CRPPA: variants seen among roughly 807,000 people sequenced by gnomAD.
CRPPA encodes CDP-L-ribitol pyrophosphorylase A, also known as D-ribitol-5-phosphate cytidylyltransferase.
In CRPPA, 43 loss-of-function variants were observed where a neutral mutation model predicts 52.0. That is an observed-to-expected ratio of 0.83 (90% CI 0.65 to 1.07). The LOEUF is 1.07. CRPPA is among the 50% of genes least tolerant of loss of function. CRPPA has a pLI of 0.00. For missense variants in CRPPA, 629 were observed against 551.7 expected (o/e 1.14, Z -1.40); for synonymous variants, 250 against 203.5 (o/e 1.23, Z -1.94).
chr7:16,222,277 C>T (rs1212560255), intron 8 of CRPPA, among the ~76,000 whole-genome samples: 3 of 128,122 alleles, frequency 2.3e-5, no homozygotes, highest in Non-Finnish European at 4.7e-5. Flanking sequence ...GGGAATATCA[C>T]ACTCTGGGGA....
intron 8 of CRPPA, among the ~76,000 whole-genome samples, chr7:16,252,556 C>A (rs1783488773): frequency 6.6e-6 from 1 of 152,114 alleles, no homozygotes; most frequent in Non-Finnish European, 1.5e-5. Context: ...GGATATTGGT[C>A]TAAATTTCTC....
chr7:16,187,556 T>C (rs975100671), intron 9 of CRPPA, among the ~76,000 whole-genome samples: 1 of 152,188 alleles, frequency 6.6e-6, no homozygotes. Flanking sequence ...CCTTAAGAGA[T>C]CCAAGGCAAC....
intron 9 of CRPPA, among the ~76,000 whole-genome samples, chr7:16,159,500 T>A (rs1195223192): frequency 6.6e-6 from 1 of 152,176 alleles, no homozygotes; most frequent in African/African-American, 2.4e-5. Flanking sequence ...ACATAGATGG[T>A]TTCCAGCTTC....
intron 1 of CRPPA, among the ~76,000 whole-genome samples, chr7:16,414,402 C>CAT (rs1788142781): frequency 7.0e-6 from 1 of 143,102 alleles, no homozygotes; most frequent in Non-Finnish European, 1.5e-5. Flanking sequence ...CACACACACA[C>CAT]CCCATGACAC....
chr7:16,214,569 G>T (rs562493556), intron 9 of CRPPA, among the ~76,000 whole-genome samples: 16 of 152,068 alleles, frequency 1.1e-4, no homozygotes, highest in African/African-American at 3.9e-4. Flanking sequence ...GGCAACCTCT[G>T]CTCACTGCAA....
At chr7:16,216,566 G>A (rs542489498) in intron 8 of CRPPA, 14 of 216,272 alleles carry the variant, frequency 6.5e-5, no homozygotes, top group East Asian at 1.5e-4. Context: ...GACAGTGGGC[G>A]CAGGTCAGTG....
intron 9 of CRPPA, among the ~76,000 whole-genome samples, chr7:16,160,449 C>A (rs929964858): frequency 1.3e-5 from 2 of 152,104 alleles, no homozygotes; most frequent in African/African-American, 4.8e-5. Context: ...GCTTGTTTTT[C>A]TCAGGTTTGT....
intron 9 of CRPPA, among the ~76,000 whole-genome samples, chr7:16,212,726 T>C (rs1398415253): frequency 6.6e-6 from 1 of 152,154 alleles, no homozygotes; most frequent in Non-Finnish European, 1.5e-5. Context: ...TCATCCAACA[T>C]AGGCTTTAAT....
intron 8 of CRPPA, among the ~76,000 whole-genome samples, chr7:16,239,548 G>T (rs1485942537): frequency 4.7e-5 from 2 of 42,290 alleles, no homozygotes; most frequent in South Asian, 1.3e-3. Context: ...TATTTAAATA[G>T]AAGTCAATAG....
At chr7:16,147,058 C>A (rs1367335183) in intron 9 of CRPPA, among the ~76,000 whole-genome samples, 1 of 152,112 alleles carries the variant, frequency 6.6e-6, no homozygotes, top group Non-Finnish European at 1.5e-5. Context: ...GTGAAAAGAT[C>A]TGGTAGTTTT....
At chr7:16,269,380 G>C (rs1784034650) in intron 6 of CRPPA, 1 of 152,042 alleles carries the variant, frequency 6.6e-6, no homozygotes, top group Non-Finnish European at 1.5e-5. Flanking sequence ...AAATAGAGAA[G>C]GCATGCAATC....
rs561960418 is a variant in CRPPA, at chr7:16,325,449, CT to C, written c.685-16823del. Among the ~76,000 whole-genome samples, 314 of 152,230 alleles carry C rather than the reference CT, an allele frequency of 2.1e-3. 8 individuals carry two copies. The highest frequency in any genetic ancestry group is 0.02 in the Admixed American group (311 of 15,290). ...AACATGTCTTTCTTCAAAATGGAGTCTCTTTTCCTTGCAAACACAAGAGCTA... is the reference window on the plus strand; with the variant it reads ...AACATGTCTTTCTTCAAAATGGAGTCCTTTTCCTTGCAAACACAAGAGCTA... On this transcript the variant is annotated intron_variant, in intron 3 of 9. Transcript: ENST00000407010.
intron 6 of CRPPA, among the ~76,000 whole-genome samples, chr7:16,267,789 A>G (rs746037763): frequency 6.6e-6 from 1 of 152,170 alleles, no homozygotes; most frequent in African/African-American, 2.4e-5. Flanking sequence ...TGTTGGTTCC[A>G]CAGTTAAGGA....
chr7:16,333,518 C>A (rs1024764572), intron 3 of CRPPA, among the ~76,000 whole-genome samples: 1 of 152,114 alleles, frequency 6.6e-6, no homozygotes, highest in African/African-American at 2.4e-5. Context: ...TAAAACAGAA[C>A]TTAGTAAAGT....
chr7:16,302,560 T>G (rs1414304119), intron 4 of CRPPA, among the ~76,000 whole-genome samples: 1 of 152,166 alleles, frequency 6.6e-6, no homozygotes, highest in Non-Finnish European at 1.5e-5. Flanking sequence ...CACCTAGATA[T>G]TTATGATGCA....
intron 6 of CRPPA, among the ~76,000 whole-genome samples, chr7:16,265,626 A>G (rs1783933058): frequency 6.6e-6 from 1 of 152,186 alleles, no homozygotes; most frequent in Admixed American, 6.5e-5. Flanking sequence ...CCTAATGCAC[A>G]CTGCTATATT....
intron 9 of CRPPA, among the ~76,000 whole-genome samples, chr7:16,191,306 G>A (rs1246450497): frequency 6.6e-6 from 1 of 152,032 alleles, no homozygotes; most frequent in Non-Finnish European, 1.5e-5. Flanking sequence ...CCACTAAGCT[G>A]AACTTCCAGG....
chr7:16,398,671 C>T (rs1435341789), intron 2 of CRPPA, among the ~76,000 whole-genome samples: 1 of 152,080 alleles, frequency 6.6e-6, no homozygotes, highest in African/African-American at 2.4e-5. Context: ...AGCTTTGTGA[C>T]ACGTGACATG....
In CRPPA at chr7:16,089,264, G is replaced by A. The variant is rs778407763; in HGVS notation, c.*2431C>T. On this transcript the variant is annotated 3_prime_UTR_variant, in exon 10 of 10. Coordinates refer to ENST00000407010, the MANE Select transcript of CRPPA (RefSeq NM_001101426.4). ...TATACATATATGTGTGTATGCGTAC[G>A]TATATACATATATGTGTGTATGCGT... 16 of 345,106 alleles carry A rather than the reference G, an allele frequency of 4.6e-5. No homozygotes were observed. The highest frequency in any genetic ancestry group is 1.7e-4 in the South Asian group (8 of 47,918). 21.4% of individuals were successfully genotyped at this position (345,106 alleles called of 1,614,324 possible). A position where few individuals can be genotyped will look rare whatever the true frequency, so the allele number is the denominator to read the frequency against.
Sources: gnomAD v4.1 joint callset for allele counts (sites outside exome capture counted in the v4.1 genomes callset) on GRCh38, gnomAD v4.1.1 for gene constraint, MANE v1.5 for transcripts, NCBI Gene and HGNC (gene_info 2026-07-23, HGNC 2026-07-21) for gene names.